Variants in ADAMTSL1 observed in about 807,000 individuals in gnomAD.
The protein encoded by ADAMTSL1 is ADAMTS like 1, also known as ADAMTS-like protein 1.
A neutral mutation model predicts 201.8 loss-of-function variants in ADAMTSL1; 126 were observed. That is an observed-to-expected ratio of 0.62 (90% confidence interval 0.54 to 0.72). ADAMTSL1 has a LOEUF of 0.72. ADAMTSL1 is among the 30% of genes least tolerant of loss of function. ADAMTSL1 has a pLI of 0.00. For synonymous variants in ADAMTSL1, 1,121 were observed against 903.4 expected, an observed-to-expected ratio of 1.24 and a Z score of -4.32; for missense variants, 2,679 against 2,277.8, an observed-to-expected ratio of 1.18 and a Z score of -3.59.
At chr9:18,230,524 G>A (rs1043875693) in intron 2 of ADAMTSL1, among the ~76,000 whole-genome samples, 10 of 152,100 alleles carry the variant, frequency 6.6e-5, no homozygotes, top group African/African-American at 2.4e-4. Flanking sequence ...GAAGACAAAT[G>A]AGACCCTGGC....
chr9:18,477,234 T>C (rs532241116), intron 1 of ADAMTSL1, among the ~76,000 whole-genome samples: 1 of 152,374 alleles, frequency 6.6e-6, no homozygotes, highest in South Asian at 2.1e-4. Context: ...AAATCACTTC[T>C]TGTCAGAAAG....
At chr9:18,659,146 A>C (rs1828900829) in intron 8 of ADAMTSL1, among the ~76,000 whole-genome samples, 1 of 152,264 alleles carries the variant, frequency 6.6e-6, no homozygotes, top group Non-Finnish European at 1.5e-5. Flanking sequence ...GACTTTAAAT[A>C]GCTAATCCAC....
intron 15 of ADAMTSL1, among the ~76,000 whole-genome samples, chr9:18,727,929 A>G (rs1451506171): frequency 6.6e-6 from 1 of 151,866 alleles, no homozygotes; most frequent in African/African-American, 2.4e-5. Flanking sequence ...AAAATGCAAA[A>G]ATTGGTCGGG....
intron 2 of ADAMTSL1, among the ~76,000 whole-genome samples, chr9:18,331,956 T>A (rs1163080553): frequency 6.6e-6 from 1 of 152,178 alleles, no homozygotes; most frequent in East Asian, 1.9e-4. Context: ...TCGCCTGTAA[T>A]TATATTTTTC....
chr9:18,156,587 C>T (rs1377890109), intron 1 of ADAMTSL1, among the ~76,000 whole-genome samples: 3 of 151,876 alleles, frequency 2.0e-5, no homozygotes, highest in Non-Finnish European at 4.4e-5. Context: ...TAATTCTTGG[C>T]ATCGAATGAG....
intron 2 of ADAMTSL1, among the ~76,000 whole-genome samples, chr9:18,400,417 A>G (rs1817941367): frequency 6.6e-6 from 1 of 152,188 alleles, no homozygotes; most frequent in Admixed American, 6.5e-5. Context: ...GTAATGTCAT[A>G]TAAATTTTGG....
chr9:18,792,773 T>A (rs559707012), intron 19 of ADAMTSL1, among the ~76,000 whole-genome samples: 16 of 152,356 alleles, frequency 1.1e-4, no homozygotes, highest in African/African-American at 3.6e-4. Context: ...TTACATTATG[T>A]TGCATCTGAT....
intron 9 of ADAMTSL1, among the ~76,000 whole-genome samples, chr9:18,674,788 T>C (rs1311836935): frequency 6.6e-6 from 1 of 152,168 alleles, no homozygotes; most frequent in Admixed American, 6.5e-5. Flanking sequence ...CATTTATCAG[T>C]TGCAAAATAA....
In ADAMTSL1 at chr9:17,960,772, T is replaced by C. The variant is rs73416868; in HGVS notation, c.87+53850T>C. ...ATCTCATCACTGCCTGCACTTATAC[T>C]TTATAGATTTCATTTACATTTTCCC... On this transcript the variant is annotated intron_variant, in intron 1 of 29. Coordinates refer to the ADAMTSL1 transcript ENST00000680146. 8.6e-3 allele frequency among the ~76,000 whole-genome samples: 1,316 copies of C among 152,316 alleles called. 16 individuals carry two copies. Among genetic ancestry groups the C allele is most frequent in the African/African-American group, 0.03 (1,233 of 41,576 alleles).
intron 1 of ADAMTSL1, among the ~76,000 whole-genome samples, chr9:18,076,179 T>TTC (rs1485980886): frequency 1.3e-5 from 2 of 152,234 alleles, no homozygotes; most frequent in Non-Finnish European, 2.9e-5. Flanking sequence ...TTTGTTTCTT[T>TTC]TCTTTGTATG....
chr9:18,313,017 G>T (rs1398051946), intron 2 of ADAMTSL1, among the ~76,000 whole-genome samples: 1 of 152,202 alleles, frequency 6.6e-6, no homozygotes, highest in African/African-American at 2.4e-5. Context: ...CTTTTATACA[G>T]ATCAAACTCA....
chr9:18,836,164 A>G (rs1233801623), intron 23 of ADAMTSL1, among the ~76,000 whole-genome samples: 2 of 152,138 alleles, frequency 1.3e-5, no homozygotes, highest in African/African-American at 4.8e-5. Context: ...CATCACCAGC[A>G]TCTGTTGTTT....
At chr9:18,784,346 A>T (rs958391478) in intron 19 of ADAMTSL1, among the ~76,000 whole-genome samples, 4 of 152,220 alleles carry the variant, frequency 2.6e-5, no homozygotes, top group African/African-American at 9.6e-5. Context: ...TTTCTCCGTA[A>T]TTCTAAGAAC....
At chr9:18,346,001 G>T (rs377064586) in intron 2 of ADAMTSL1, among the ~76,000 whole-genome samples, 1 of 152,206 alleles carries the variant, frequency 6.6e-6, no homozygotes, top group African/African-American at 2.4e-5. Context: ...TGCTCCTTTT[G>T]TGACTCTCTG....
At chr9:18,133,642 T>C (rs1826039592) in intron 1 of ADAMTSL1, among the ~76,000 whole-genome samples, 1 of 152,104 alleles carries the variant, frequency 6.6e-6, no homozygotes, top group South Asian at 2.1e-4. Flanking sequence ...CAAGGTCTGA[T>C]AGCCCAGGAA....
At chr9:18,546,193 A>G (rs753440863) in intron 3 of ADAMTSL1, among the ~76,000 whole-genome samples, 10 of 152,194 alleles carry the variant, frequency 6.6e-5, no homozygotes, top group Non-Finnish European at 1.0e-4. Context: ...TAATCTTGCT[A>G]TGAGCAGTAA....
chr9:18,475,345 T>A (rs1270974035), intron 1 of ADAMTSL1, among the ~76,000 whole-genome samples: 1 of 152,198 alleles, frequency 6.6e-6, no homozygotes, highest in Non-Finnish European at 1.5e-5. Context: ...TTCTGACAAA[T>A]CTGATCTGCG....
At chr9:18,081,720 T>G (rs1823507117) in intron 1 of ADAMTSL1, among the ~76,000 whole-genome samples, 1 of 152,222 alleles carries the variant, frequency 6.6e-6, no homozygotes, top group African/African-American at 2.4e-5. Context: ...GAACAAAAAT[T>G]GAATCCTTTA....
intron 2 of ADAMTSL1, among the ~76,000 whole-genome samples, chr9:18,226,281 C>T (rs7040462): frequency 0.025 from 3,776 of 152,096 alleles, 161 homozygotes; most frequent in African/African-American, 0.085. Context: ...CGTAGCAGAC[C>T]GTCTCTCTCA....
Sources: gnomAD v4.1 joint callset for allele counts (sites outside exome capture counted in the v4.1 genomes callset) on GRCh38, gnomAD v4.1.1 for gene constraint, MANE v1.5 for transcripts, NCBI Gene and HGNC (gene_info 2026-07-23, HGNC 2026-07-21) for gene names.